The following KIF16B variants were observed in gnomAD, a reference collection of about 807,000 sequenced individuals.
KIF16B encodes the protein kinesin family member 16B.
A neutral mutation model predicts 156.3 loss-of-function variants in KIF16B; 98 were observed. The observed-to-expected ratio is 0.63, with a 90% CI of 0.53 to 0.74. KIF16B has a LOEUF of 0.74. Ranked by LOEUF, KIF16B falls within the 30% of genes least tolerant of loss-of-function variation. The pLI, the probability that KIF16B is intolerant of heterozygous loss-of-function variation, is 0.00. For missense variants in KIF16B, 1,421 were observed against 1,606.5 expected (o/e 0.88, Z 1.97); for synonymous variants, 564 against 583.7 (o/e 0.97, Z 0.49).
intron 15 of KIF16B, among the ~76,000 whole-genome samples, chr20:16,417,722 A>T (rs908476621): frequency 6.6e-6 from 1 of 152,188 alleles, no homozygotes; most frequent in Non-Finnish European, 1.5e-5. Flanking sequence ...GAAAAACAAA[A>T]TATTCAAAAT....
At chr20:16,525,128 A>G (rs903006293) in intron 3 of KIF16B, among the ~76,000 whole-genome samples, 19 of 152,332 alleles carry the variant, frequency 1.2e-4, no homozygotes, top group South Asian at 6.2e-4. Context: ...ATACCTATGT[A>G]ACAAATCTGC....
intron 1 of KIF16B, among the ~76,000 whole-genome samples, chr20:16,556,858 C>T (rs982650031): frequency 2.2e-4 from 34 of 152,138 alleles, no homozygotes; most frequent in African/African-American, 8.2e-4. Context: ...TGGTTAGCTA[C>T]CCCTTTACTG....
rs898270360 is a variant in KIF16B at position 16,328,300 on chromosome 20, G to A, written c.3711+7626C>T. Among the ~76,000 whole-genome samples the A allele has an allele frequency of 4.6e-5, 7 of 152,114 alleles. No homozygotes were observed. The East Asian group carries it at 1.2e-3, about 25-fold the overall frequency. ...TTTGTGGGGAGAAGGGAACTCCCTA[G>A]GGATGTGGCTGATTGAGGCTGATTG... On this transcript the variant is annotated intron_variant, in intron 24 of 25. Coordinates refer to ENST00000354981, the MANE Select transcript of KIF16B (RefSeq NM_024704.5).
At chr20:16,364,344 C>T (rs569885718) in intron 22 of KIF16B, among the ~76,000 whole-genome samples, 54 of 152,306 alleles carry the variant, frequency 3.5e-4, no homozygotes, top group Middle Eastern at 3.4e-3. Flanking sequence ...ATTAAGAAGT[C>T]CCACAATATA....
At chr20:16,525,123 T>G (rs1398179576) in intron 3 of KIF16B, among the ~76,000 whole-genome samples, 2 of 152,160 alleles carry the variant, frequency 1.3e-5, no homozygotes, top group African/African-American at 4.8e-5. Flanking sequence ...CGTGTATACC[T>G]ATGTAACAAA....
intron 24 of KIF16B, among the ~76,000 whole-genome samples, chr20:16,324,378 G>A (rs1047766346): frequency 2.0e-5 from 3 of 151,966 alleles, no homozygotes; most frequent in African/African-American, 4.8e-5. Context: ...AAATCTTGGT[G>A]TGACCTTAAC....
chr20:16,504,546 G>T lies in KIF16B; in HGVS notation c.1002C>A (p.Thr334=). ...GGNSKTIMIA[T]ISPADVNYGE... is the part of the protein sequence containing the mutation. ...CATAATTGACATCAGCAGGTGAAAT[G>T]GCTGTGAAGAATGTATTCAAAAAAT... is the stretch of plus-strand genomic sequence containing the variant. Residue 334 remains threonine (T), a splice_region_variant and synonymous_variant, in exon 10 of 26, where the codon ACC becomes ACA. Transcript: ENST00000354981. 1 of 1,612,126 alleles carries T rather than the reference G, an allele frequency of 6.2e-7. No homozygotes were observed. Among genetic ancestry groups the T allele is most frequent in the Non-Finnish European group, 8.5e-7 (1 of 1,178,478 alleles).
chr20:16,542,319 C>T (rs577350269), intron 1 of KIF16B, among the ~76,000 whole-genome samples: 2 of 152,024 alleles, frequency 1.3e-5, no homozygotes, highest in African/African-American at 4.8e-5. Flanking sequence ...TCATTCATTC[C>T]ATAAATATTT....
chr20:16,532,979 GCAGTGCGTTCCTAGTTCTAAATTAACATC>G (rs1467331254), intron 1 of KIF16B, among the ~76,000 whole-genome samples: 8 of 152,138 alleles, frequency 5.3e-5, no homozygotes, highest in Non-Finnish European at 1.2e-4. Context: ...GGTAACCAGG[GCAGTGCGTTCCTAGTTCTAAATTAACATC>G]CATTCTATAA....
intron 15 of KIF16B, among the ~76,000 whole-genome samples, chr20:16,413,502 C>T (rs1420366481): frequency 6.6e-6 from 1 of 152,140 alleles, no homozygotes; most frequent in Non-Finnish European, 1.5e-5. Context: ...TTTTCTCCTA[C>T]TGTTTTCATA....
intron 24 of KIF16B, among the ~76,000 whole-genome samples, chr20:16,325,844 C>T (rs2063838285): frequency 1.3e-5 from 2 of 151,926 alleles, no homozygotes; most frequent in African/African-American, 4.8e-5. Context: ...ATAGCCAAAG[C>T]AAGACTAGCA....
At chr20:16,507,812 G>GT in intron 7 of KIF16B, 146 bp downstream of exon 7, 1 of 790,252 alleles carries the variant, frequency 1.3e-6, no homozygotes, top group Admixed American at 2.6e-5. Context: ...CACAGCACAT[G>GT]TTCAACTCTA....
chr20:16,372,533 T>C (rs1378303913), intron 20 of KIF16B, among the ~76,000 whole-genome samples: 3 of 152,204 alleles, frequency 2.0e-5, no homozygotes, highest in Admixed American at 2.0e-4. Flanking sequence ...TGGTCTAATC[T>C]CTGGTCATTC....
At chr20:16,534,874 C>G (rs2069897298) in intron 1 of KIF16B, among the ~76,000 whole-genome samples, 1 of 151,984 alleles carries the variant, frequency 6.6e-6, no homozygotes, top group African/African-American at 2.4e-5. Flanking sequence ...TTATATAATA[C>G]CAATACCATG....
chr20:16,373,634 C>A (rs1270084549), intron 20 of KIF16B, among the ~76,000 whole-genome samples: 1 of 152,166 alleles, frequency 6.6e-6, no homozygotes. Flanking sequence ...AATTAACTGT[C>A]AACACAAGGT....
chr20:16,489,800 T>C (rs577445407), intron 12 of KIF16B, among the ~76,000 whole-genome samples: 5 of 152,128 alleles, frequency 3.3e-5, no homozygotes, highest in Admixed American at 3.3e-4. Context: ...GAGCTGGGCT[T>C]GAGGGCCTGC....
At chr20:16,342,584 TA>T (rs374158041) in intron 23 of KIF16B, among the ~76,000 whole-genome samples, 3,120 of 151,462 alleles carry the variant, frequency 0.021, 61 homozygotes, top group Non-Finnish European at 0.027. Flanking sequence ...AGTATGACTG[TA>T]AAAAAAAACT....
chr20:16,370,783 A>C, intron 21 of KIF16B, 147 bp from the exon 22 acceptor site: 1 of 612,828 alleles, frequency 1.6e-6, no homozygotes, highest in South Asian at 2.2e-5. Context: ...TATAATTTAC[A>C]TCCCCAAGAT....
chr20:16,276,419 A>C (rs961697654), intron 25 of KIF16B, among the ~76,000 whole-genome samples: 1 of 152,224 alleles, frequency 6.6e-6, no homozygotes, highest in Non-Finnish European at 1.5e-5. Flanking sequence ...TGTTTGACAA[A>C]AACTCCAGAT....
Sources: allele counts gnomAD v4.1 joint callset (sites outside exome capture counted in the v4.1 genomes callset), GRCh38; gene constraint gnomAD v4.1.1; transcripts MANE v1.5; gene names NCBI Gene and HGNC (gene_info 2026-07-23, HGNC 2026-07-21).